CTNNA3: variants seen among roughly 807,000 people sequenced by gnomAD.
CTNNA3 encodes catenin alpha 3.
Under a neutral mutation model 95.7 loss-of-function variants are expected in CTNNA3, and 76 were observed. That is an observed-to-expected ratio of 0.79 (90% CI 0.66 to 0.96). The LOEUF is 0.96. Ranked by LOEUF, CTNNA3 falls within the 40% of genes least tolerant of loss-of-function variation. The probability of loss-of-function intolerance (pLI) is 0.00; values close to 1 mark genes in which losing one functional copy is unlikely to be tolerated. For missense variants in CTNNA3, 1,191 were observed against 1,089.8 expected, an observed-to-expected ratio of 1.09 and a Z score of -1.31; for synonymous variants, 431 against 374.4, an observed-to-expected ratio of 1.15 and a Z score of -1.74.
intron 12 of CTNNA3, among the ~76,000 whole-genome samples, chr10:66,356,750 T>C (rs920837263): frequency 5.3e-5 from 8 of 152,064 alleles, no homozygotes; most frequent in Admixed American, 4.6e-4. Context: ...GGGCTTTTTG[T>C]TGATACCTTT....
At chr10:67,384,384 T>G (rs896161401) in intron 5 of CTNNA3, among the ~76,000 whole-genome samples, 1 of 152,208 alleles carries the variant, frequency 6.6e-6, no homozygotes, top group African/African-American at 2.4e-5. Context: ...TCCAAACCTC[T>G]TTTAAAAATA....
intron 7 of CTNNA3, among the ~76,000 whole-genome samples, chr10:67,116,770 T>C (rs903309402): frequency 4.7e-5 from 7 of 148,488 alleles, no homozygotes; most frequent in African/African-American, 1.5e-4. Context: ...TTTATGATTT[T>C]GTTTATGTGA....
intron 5 of CTNNA3, among the ~76,000 whole-genome samples, chr10:67,237,162 A>ATT (rs1865521108): frequency 1.9e-5 from 2 of 107,658 alleles, no homozygotes; most frequent in Admixed American, 1.8e-4. Flanking sequence ...ATATATATAT[A>ATT]TATATATATA....
intron 5 of CTNNA3, among the ~76,000 whole-genome samples, chr10:67,496,520 C>T (rs1434341647): frequency 2.0e-5 from 3 of 152,148 alleles, no homozygotes; most frequent in African/African-American, 7.2e-5. Flanking sequence ...TCTCACCCCT[C>T]TGTTGTCTAC....
At chr10:66,344,549 GA>G (rs1397315217) in intron 12 of CTNNA3, among the ~76,000 whole-genome samples, 2 of 151,926 alleles carry the variant, frequency 1.3e-5, no homozygotes, top group Admixed American at 1.3e-4. Context: ...TTACAGGTGT[GA>G]GCCACTGGGC....
chr10:66,336,116 A>C (rs7075798), intron 12 of CTNNA3, among the ~76,000 whole-genome samples: 25,071 of 152,020 alleles, frequency 0.16, 2,341 homozygotes, highest in South Asian at 0.32. Context: ...CCGATTTTCC[A>C]GGTGCCGTCT....
rs549495113 is a variant in CTNNA3 at position 66,513,541 on chromosome 10, G to A, written c.1531+7076C>T. Among the ~76,000 whole-genome samples the A allele has an allele frequency of 1.3e-5, 2 of 152,306 alleles. 1 individual carries two copies. The highest frequency in any genetic ancestry group is 4.8e-5 in the African/African-American group (2 of 41,568). ...GCATGGACCAGTTCTCAGGATCCTG[G>A]GTGGTACACAAAGGTACATAGTGGC... is the stretch of plus-strand genomic sequence containing the variant. On this transcript the variant is annotated intron_variant, in intron 11 of 17. Transcript: ENST00000433211.
chr10:66,193,590 G>C (rs573893548), intron 13 of CTNNA3, among the ~76,000 whole-genome samples: 35 of 152,222 alleles, frequency 2.3e-4, no homozygotes, highest in African/African-American at 7.9e-4. Context: ...CTTAAAATAA[G>C]CAATTTTGTC....
intron 7 of CTNNA3, among the ~76,000 whole-genome samples, chr10:67,049,585 T>A (rs1423823997): frequency 1.3e-5 from 2 of 152,074 alleles, no homozygotes; most frequent in Non-Finnish European, 2.9e-5. Context: ...TTGCTTTGTG[T>A]TTAACTTGAA....
intron 11 of CTNNA3, among the ~76,000 whole-genome samples, chr10:66,454,665 G>A (rs999970874): frequency 1.3e-5 from 2 of 151,974 alleles, no homozygotes; most frequent in Non-Finnish European, 2.9e-5. Context: ...TAGAAGTAAT[G>A]CCAACTCTAC....
Position 66,346,242 on chromosome 10 carries a change from TATATAGAGAGAGAGAGAG to T in CTNNA3, c.1732+32892_1732+32909del, listed in dbSNP as rs1389872554. Among the ~76,000 whole-genome samples, 35 of 8,840 alleles carry T rather than the reference TATATAGAGAGAGAGAGAG, an allele frequency of 4.0e-3. No homozygotes were observed. The South Asian group carries it at 0.042, about 11-fold the overall frequency. The allele number at this position is 8,840 out of a possible 152,430, so 5.8% of individuals were successfully genotyped here. On this transcript the variant is annotated intron_variant, in intron 12 of 17. Coordinates refer to ENST00000433211, the MANE Select transcript of CTNNA3 (RefSeq NM_013266.4). Reference sequence around the variant, plus strand: ...ATATATATATATATATATATATATATATATAGAGAGAGAGAGAGAGAGAGAGAGAGAGAGAGAGAGAGA... The same window carrying T: ...ATATATATATATATATATATATATATAGAGAGAGAGAGAGAGAGAGAGAGA...
intron 5 of CTNNA3, among the ~76,000 whole-genome samples, chr10:67,394,300 C>G (rs532373452): frequency 2.7e-4 from 35 of 128,754 alleles, no homozygotes; most frequent in African/African-American, 9.1e-4. Context: ...GAATGAATAT[C>G]AAAAAAAAAA....
At chr10:66,617,442 A>G (rs1844562135) in intron 10 of CTNNA3, among the ~76,000 whole-genome samples, 1 of 152,180 alleles carries the variant, frequency 6.6e-6, no homozygotes, top group Non-Finnish European at 1.5e-5. Context: ...GCATATAAAC[A>G]GAACCAAAGA....
At chr10:66,877,512 T>C (rs1457529882) in intron 7 of CTNNA3, among the ~76,000 whole-genome samples, 3 of 152,096 alleles carry the variant, frequency 2.0e-5, no homozygotes, top group Non-Finnish European at 4.4e-5. Flanking sequence ...CTGTCACCTA[T>C]CAATGCTTGC....
intron 9 of CTNNA3, among the ~76,000 whole-genome samples, chr10:66,741,322 C>T (rs1349337321): frequency 6.6e-6 from 1 of 152,060 alleles, no homozygotes; most frequent in Non-Finnish European, 1.5e-5. Context: ...TGTATCATTG[C>T]ATAGGGGGCA....
chr10:66,186,847 T>G (rs986194430), intron 13 of CTNNA3, among the ~76,000 whole-genome samples: 3 of 152,170 alleles, frequency 2.0e-5, no homozygotes, highest in African/African-American at 7.2e-5. Flanking sequence ...AAAGGTGAAC[T>G]TCAACTTTTT....
chr10:66,846,176 C>T (rs985662701), intron 7 of CTNNA3, among the ~76,000 whole-genome samples: 4 of 140,224 alleles, frequency 2.9e-5, no homozygotes, highest in Non-Finnish European at 6.2e-5. Context: ...ATGAACCTGG[C>T]GGACATTATG....
chr10:66,270,419 T>C (rs964945789), intron 13 of CTNNA3, among the ~76,000 whole-genome samples: 4 of 152,080 alleles, frequency 2.6e-5, no homozygotes, highest in Non-Finnish European at 5.9e-5. Flanking sequence ...TTGCCCAGGC[T>C]TGTCTCAAAC....
chr10:67,753,640 CAA>C (rs1315147638), intron 1 of CTNNA3, among the ~76,000 whole-genome samples: 1 of 152,056 alleles, frequency 6.6e-6, no homozygotes, highest in African/African-American at 2.4e-5. Flanking sequence ...AAAACCCCAT[CAA>C]AAAGTAGGCA....
Sources: gnomAD v4.1 joint callset for allele counts (sites outside exome capture counted in the v4.1 genomes callset) on GRCh38, gnomAD v4.1.1 for gene constraint, MANE v1.5 for transcripts, NCBI Gene and HGNC (gene_info 2026-07-23, HGNC 2026-07-21) for gene names.